The following TEX9 variants were observed in gnomAD, a reference collection of about 807,000 sequenced individuals.
The protein encoded by TEX9 is testis-expressed protein 9.
Under a neutral mutation model 59.6 loss-of-function variants are expected in TEX9, and 74 were observed. The observed-to-expected ratio is 1.24, with a 90% CI of 1.03 to 1.51. The LOEUF (loss-of-function observed/expected upper bound fraction) is 1.51. Among genes scored for constraint, TEX9 ranks in the 40% most tolerant of loss-of-function variants. The pLI, the probability that TEX9 is intolerant of heterozygous loss-of-function variation, is 0.00. For synonymous variants in TEX9, 186 were observed against 152.2 expected (o/e 1.22, Z -1.64); for missense variants, 522 against 447.8 (o/e 1.17, Z -1.49).
At chr15:56,391,313 T>A in exon 7 of TEX9, 1 of 1,605,148 alleles carries the variant, frequency 6.2e-7, no homozygotes, top group Non-Finnish European at 8.5e-7. Context: ...CTCAGACTTT[T>A]CCCTTGCAAA....
chr15:56,283,973 C>A (rs775933883), intron 1 of TEX9, among the ~76,000 whole-genome samples: 1 of 152,148 alleles, frequency 6.6e-6, no homozygotes, highest in Non-Finnish European at 1.5e-5. Flanking sequence ...AAGGCAACTT[C>A]TATTTTTCAC....
In TEX9 at chr15:56,379,755, C is replaced by A. The variant is rs562687882; in HGVS notation, c.184-4197C>A. Reference sequence around the variant, plus strand: ...ATGCATTTATATGCAATCATTATATCCTGTTGCTGGATTGACCTCTTTAGC... The same window carrying A: ...ATGCATTTATATGCAATCATTATATACTGTTGCTGGATTGACCTCTTTAGC... On this transcript the variant is annotated intron_variant, in intron 3 of 12. Coordinates refer to ENST00000352903, the Ensembl canonical transcript of TEX9. Among the ~76,000 whole-genome samples the A allele has an allele frequency of 4.6e-5, 7 of 152,184 alleles. No homozygotes were observed. The South Asian group carries it at 6.2e-4, about 14-fold the overall frequency.
intron 1 of TEX9, among the ~76,000 whole-genome samples, chr15:56,318,875 C>G (rs2725849): frequency 0.031 from 4,641 of 152,102 alleles, 178 homozygotes; most frequent in East Asian, 0.095. Context: ...CCCATCAATG[C>G]AGTTTTATAA....
intron 3 of TEX9, among the ~76,000 whole-genome samples, chr15:56,381,159 T>C (rs989406708): frequency 6.6e-6 from 1 of 152,114 alleles, no homozygotes; most frequent in African/African-American, 2.4e-5. Flanking sequence ...GATTACTAAT[T>C]CTTCTGCTTG....
At chr15:56,272,749 A>G (rs758499883) in intron 1 of TEX9, among the ~76,000 whole-genome samples, 1 of 152,192 alleles carries the variant, frequency 6.6e-6, no homozygotes, top group Non-Finnish European at 1.5e-5. Context: ...AAAAAAATGT[A>G]TAACATACTC....
chr15:56,245,540 A>G (rs1280533582), intron 1 of TEX9, among the ~76,000 whole-genome samples: 1 of 152,180 alleles, frequency 6.6e-6, no homozygotes, highest in Non-Finnish European at 1.5e-5. Context: ...TAAAGACAGT[A>G]TTTTTGTGGA....
chr15:56,431,079 G>A (rs1304529580), intron 12 of TEX9, among the ~76,000 whole-genome samples: 3 of 152,086 alleles, frequency 2.0e-5, no homozygotes, highest in African/African-American at 4.8e-5. Flanking sequence ...GAGAATCACC[G>A]GGAGGCAGAG....
intron 2 of TEX9, among the ~76,000 whole-genome samples, 195 bp from the exon 3 acceptor site, chr15:56,373,246 T>C (rs2047271331): frequency 6.6e-6 from 1 of 152,172 alleles, no homozygotes; most frequent in Non-Finnish European, 1.5e-5. Flanking sequence ...AGTGTTTGAG[T>C]TCCTACTACA....
chr15:56,417,762 ATCTG>A (rs1398483631), intron 10 of TEX9, among the ~76,000 whole-genome samples: 1 of 151,772 alleles, frequency 6.6e-6, no homozygotes, highest in African/African-American at 2.4e-5. Context: ...TACCTCGATG[ATCTG>A]TCTAATACTA....
intron 1 of TEX9, among the ~76,000 whole-genome samples, chr15:56,265,592 T>C (rs1352926147): frequency 6.6e-6 from 1 of 152,206 alleles, no homozygotes. Context: ...TATTTTCCAA[T>C]TTTCTTTGTA....
At chr15:56,379,195 A>T (rs1310803393) in intron 3 of TEX9, among the ~76,000 whole-genome samples, 2 of 152,064 alleles carry the variant, frequency 1.3e-5, no homozygotes, top group African/African-American at 4.8e-5. Context: ...AGCTGCATAA[A>T]TTTCCCTCTC....
At chr15:56,356,168 T>C (rs1202904603) in intron 1 of TEX9, among the ~76,000 whole-genome samples, 1 of 152,160 alleles carries the variant, frequency 6.6e-6, no homozygotes, top group Non-Finnish European at 1.5e-5. Flanking sequence ...TTCAGTATGA[T>C]TATAAATAGT....
chr15:56,313,169 C>T (rs1480026886), intron 1 of TEX9, among the ~76,000 whole-genome samples: 1 of 151,434 alleles, frequency 6.6e-6, no homozygotes, highest in Non-Finnish European at 1.5e-5. Context: ...CTGGCCAGAA[C>T]TTCCAACACT....
intron 9 of TEX9, among the ~76,000 whole-genome samples, chr15:56,399,318 G>C (rs1237864926): frequency 6.6e-6 from 1 of 152,266 alleles, no homozygotes; most frequent in Non-Finnish European, 1.5e-5. Context: ...TCCCGTGCCT[G>C]GCTTGGCGGG....
At chr15:56,441,234 C>T (rs185754945) in intron 12 of TEX9, among the ~76,000 whole-genome samples, 85 of 151,796 alleles carry the variant, frequency 5.6e-4, no homozygotes, top group Admixed American at 2.0e-3. Context: ...TTTAATTCCA[C>T]TGTAGTCAGA....
chr15:56,281,319 A>T (rs2141455272), intron 1 of TEX9, among the ~76,000 whole-genome samples: 1 of 152,326 alleles, frequency 6.6e-6, no homozygotes, highest in Admixed American at 6.5e-5. Context: ...GCAGACGGGT[A>T]CTGATCATGG....
rs183302366 is a variant in TEX9, at chr15:56,429,311, A to C, written c.*29+838A>C. ...TCTCCAAGGTAATGAAATCTATTCAACAGATTAATGAAACTTTAAAAAAAT... is the reference window on the plus strand; with the variant it reads ...TCTCCAAGGTAATGAAATCTATTCACCAGATTAATGAAACTTTAAAAAAAT... On this transcript the variant is annotated intron_variant, in intron 12 of 12. Transcript: ENST00000352903. 239 of 647,100 alleles carry C rather than the reference A, an allele frequency of 3.7e-4. 1 individual carries two copies. Among genetic ancestry groups the C allele is most frequent in the Admixed American group, 2.1e-3 (58 of 28,156 alleles). 40.1% of individuals were successfully genotyped at this position (647,100 alleles called of 1,614,324 possible).
intron 12 of TEX9, among the ~76,000 whole-genome samples, chr15:56,436,602 A>C (rs1407630933): frequency 6.6e-6 from 1 of 152,190 alleles, no homozygotes; most frequent in African/African-American, 2.4e-5. Context: ...GAAATAACTA[A>C]GATCAGAGCA....
intron 1 of TEX9, among the ~76,000 whole-genome samples, chr15:56,246,915 G>A (rs760338498): frequency 5.9e-5 from 9 of 152,128 alleles, no homozygotes; most frequent in Non-Finnish European, 1.3e-4. Flanking sequence ...GTTGCTATAA[G>A]GAAAACATGA....
Sources: gnomAD v4.1 joint callset for allele counts (sites outside exome capture counted in the v4.1 genomes callset) on GRCh38, gnomAD v4.1.1 for gene constraint, MANE v1.5 for transcripts, NCBI Gene and HGNC (gene_info 2026-07-23, HGNC 2026-07-21) for gene names.